NFIA: variants seen among roughly 807,000 people sequenced by gnomAD.
NFIA encodes the protein nuclear factor 1 A-type.
In NFIA, 8 loss-of-function variants were observed where a neutral mutation model predicts 62.8. The observed-to-expected ratio is 0.13, with a 90% CI of 0.07 to 0.23. The LOEUF (loss-of-function observed/expected upper bound fraction) is 0.23. NFIA is among the 10% of genes least tolerant of loss of function. The pLI, the probability that NFIA is intolerant of heterozygous loss-of-function variation, is 1.00. For missense variants in NFIA, 410 were observed against 642.1 expected, an observed-to-expected ratio of 0.64 and a Z score of 3.91; for synonymous variants, 235 against 238.1, an observed-to-expected ratio of 0.99 and a Z score of 0.12.
intron 2 of NFIA, among the ~76,000 whole-genome samples, chr1:61,089,834 C>T (rs1176389840): frequency 6.6e-6 from 1 of 151,132 alleles, no homozygotes; most frequent in Admixed American, 6.6e-5. Flanking sequence ...TTATTTTTCT[C>T]AATATATGTT....
Position 61,393,286 on chromosome 1 carries a change from T to C in NFIA, c.1075+9921T>C, listed in dbSNP as rs11207736. Among the ~76,000 whole-genome samples the C allele has an allele frequency of 6.4e-3, 308 of 48,120 alleles. 1 individual carries two copies. The highest frequency in any genetic ancestry group is 0.015 in the East Asian group (11 of 720). 31.6% of individuals were successfully genotyped at this position (48,120 alleles called of 152,430 possible). On this transcript the variant is annotated intron_variant, in intron 7 of 10. Coordinates refer to ENST00000403491, the MANE Select transcript of NFIA (RefSeq NM_001134673.4). ...CTCTCTCTCTCTCTCTCTCTCTCTC[T>C]CTCTCCCTCTTTCTCTCCCTCTCTC...
intron 2 of NFIA, among the ~76,000 whole-genome samples, chr1:61,157,057 A>G (rs935837466): frequency 6.6e-6 from 1 of 152,210 alleles, no homozygotes; most frequent in African/African-American, 2.4e-5. Flanking sequence ...TGCATTCATC[A>G]TGTGGCTGTT....
intron 4 of NFIA, among the ~76,000 whole-genome samples, chr1:61,349,259 G>A (rs1203430892): frequency 1.3e-5 from 2 of 152,062 alleles, no homozygotes; most frequent in African/African-American, 4.8e-5. Context: ...GGCCCTTAGA[G>A]CCTGTTACTG....
At chr1:61,097,426 A>G (rs1646435148) in intron 2 of NFIA, among the ~76,000 whole-genome samples, 2 of 152,136 alleles carry the variant, frequency 1.3e-5, no homozygotes, top group South Asian at 2.1e-4. Context: ...AGCAGCTGCC[A>G]TTTTCAGGCT....
upstream of NFIA, chr1:61,077,539 T>C (rs1646046882): frequency 8.5e-7 from 1 of 1,170,490 alleles, no homozygotes. Flanking sequence ...TATTTAGATA[T>C]TTTTTAAATG....
Position 61,200,066 on chromosome 1 carries a change from ATG to A in NFIA, c.560-77452_560-77451del, listed in dbSNP as rs1333397688. 1.5e-3 allele frequency among the ~76,000 whole-genome samples: 68 copies of A among 46,182 alleles called. 6 individuals are homozygous for A. Among genetic ancestry groups the A allele is most frequent in the African/African-American group, 5.5e-3 (54 of 9,748 alleles). 30.3% of individuals were successfully genotyped at this position (46,182 alleles called of 152,430 possible). A position where few individuals can be genotyped will look rare whatever the true frequency, so the allele number is the denominator to read the frequency against. On this transcript the variant is annotated intron_variant, in intron 2 of 10. Transcript: ENST00000403491. ...TATATATATATATATATATATATAT[ATG>A]TATGTATGTTGAGCTAGAATTATGC...
At chr1:61,101,178 C>T (rs927521407) in intron 2 of NFIA, among the ~76,000 whole-genome samples, 1 of 151,932 alleles carries the variant, frequency 6.6e-6, no homozygotes, top group South Asian at 2.1e-4. Context: ...GGCACATCAC[C>T]TGAGGTCGGG....
intron 2 of NFIA, among the ~76,000 whole-genome samples, chr1:61,093,122 A>G (rs1243473824): frequency 6.6e-6 from 1 of 152,192 alleles, no homozygotes; most frequent in Non-Finnish European, 1.5e-5. Context: ...TTCCTACATT[A>G]GTTTGAGGCA....
At chr1:61,209,553 A>G (rs920426019) in intron 2 of NFIA, among the ~76,000 whole-genome samples, 1 of 152,036 alleles carries the variant, frequency 6.6e-6, no homozygotes, top group Non-Finnish European at 1.5e-5. Flanking sequence ...ACAGTGGCTC[A>G]TACCTGATAC....
At chr1:61,384,969 C>T (rs1339114367) in intron 7 of NFIA, among the ~76,000 whole-genome samples, 1 of 152,082 alleles carries the variant, frequency 6.6e-6, no homozygotes, top group East Asian at 1.9e-4. Context: ...CAGTGGCTCA[C>T]GCCTGTAATC....
chr1:61,294,551 C>A (rs1659082635), intron 3 of NFIA, among the ~76,000 whole-genome samples: 1 of 152,168 alleles, frequency 6.6e-6, no homozygotes, highest in Admixed American at 6.5e-5. Context: ...GATTTTGAAT[C>A]AGTTTAACAC....
intron 7 of NFIA, among the ~76,000 whole-genome samples, chr1:61,383,733 T>C (rs1664545276): frequency 6.6e-6 from 1 of 152,218 alleles, no homozygotes; most frequent in African/African-American, 2.4e-5. Context: ...CACACATGCA[T>C]GCATTGGGTG....
chr1:61,292,571 T>C (rs1235468674), intron 3 of NFIA, among the ~76,000 whole-genome samples: 3 of 152,192 alleles, frequency 2.0e-5, no homozygotes, highest in African/African-American at 7.2e-5. Context: ...GATAGTTGCA[T>C]AAAATGTGAT....
At chr1:61,354,418 G>A (rs570721869) in intron 5 of NFIA, among the ~76,000 whole-genome samples, 1 of 152,278 alleles carries the variant, frequency 6.6e-6, no homozygotes, top group Admixed American at 6.5e-5. Context: ...ATGTCTTCCT[G>A]CTGTGCCAAT....
At chr1:61,118,028 A>C (rs1481019497) in intron 2 of NFIA, among the ~76,000 whole-genome samples, 1 of 152,004 alleles carries the variant, frequency 6.6e-6, no homozygotes, top group African/African-American at 2.4e-5. Flanking sequence ...TACTAAAAAT[A>C]CAAAAAATGA....
At chr1:61,274,589 A>C (rs192969946) in intron 2 of NFIA, among the ~76,000 whole-genome samples, 1 of 152,362 alleles carries the variant, frequency 6.6e-6, no homozygotes, top group African/African-American at 2.4e-5. Flanking sequence ...CTAATTATTT[A>C]AGGTGGTAGA....
chr1:61,243,884 C>T (rs1240854985), intron 2 of NFIA, among the ~76,000 whole-genome samples: 1 of 152,032 alleles, frequency 6.6e-6, no homozygotes, highest in Non-Finnish European at 1.5e-5. Flanking sequence ...AGACACAGTC[C>T]GTGTTTTAAA....
chr1:61,441,331 G>GTGTGTGTCTGTC lies in NFIA; in HGVS notation c.1513-13969_1513-13968insGTGTCTGTCTGT, dbSNP rs1360188951. ...TGTGTGTGTGTGTGTGTGTGTGTGTGTGTCTGTCTGTCTGTCTGTCTGTGT... is the reference window on the plus strand; with the variant it reads ...TGTGTGTGTGTGTGTGTGTGTGTGTGTGTGTGTCTGTCTGTCTGTCTGTCTGTCTGTCTGTGT... On this transcript the variant is annotated intron_variant, in intron 10 of 10. Coordinates refer to ENST00000403491, the MANE Select transcript of NFIA (RefSeq NM_001134673.4). 2.9e-3 allele frequency among the ~76,000 whole-genome samples: 411 copies of GTGTGTGTCTGTC among 142,436 alleles called. 1 individual carries two copies. Among genetic ancestry groups the GTGTGTGTCTGTC allele is most frequent in the African/African-American group, 7.0e-3 (257 of 36,858 alleles). The allele number at this position is 142,436 out of a possible 152,430, so 93.4% of individuals were successfully genotyped here.
rs548673598 is a variant in NFIA, at chr1:61,309,266, T to A, written c.626-23246T>A. Among the ~76,000 whole-genome samples the A allele has an allele frequency of 4.6e-5, 7 of 152,210 alleles. No homozygotes were observed. The East Asian group carries it at 1.4e-3, about 29-fold the overall frequency. The stretch of plus-strand genomic sequence containing the variant: ...GAGACCCTACATGTGACGTGTGTCC[T>A]ACGAATCTTGGAGTCTTGACTCCTT... On this transcript the variant is annotated intron_variant, in intron 3 of 10. Coordinates refer to ENST00000403491, the MANE Select transcript of NFIA (RefSeq NM_001134673.4).
Sources: gnomAD v4.1 joint callset for allele counts (sites outside exome capture counted in the v4.1 genomes callset) on GRCh38, gnomAD v4.1.1 for gene constraint, MANE v1.5 for transcripts, NCBI Gene and HGNC (gene_info 2026-07-23, HGNC 2026-07-21) for gene names.